The following PRKN variants were observed in gnomAD, a reference collection of about 807,000 sequenced individuals.
PRKN encodes parkin RBR E3 ubiquitin protein ligase.
A neutral mutation model predicts 59.5 loss-of-function variants in PRKN; 56 were observed. The ratio of observed to expected loss-of-function variants is 0.94; its 90% CI spans 0.76 to 1.18. PRKN has a LOEUF of 1.18. Among genes scored for constraint, PRKN ranks in the 50% most tolerant of loss-of-function variants. PRKN has a pLI of 0.00. For missense variants in PRKN, 657 were observed against 596.4 expected, an observed-to-expected ratio of 1.10 and a Z score of -1.06; for synonymous variants, 250 against 222.1, an observed-to-expected ratio of 1.13 and a Z score of -1.12.
At chr6:161,631,100 T>C (rs1009217536) in intron 7 of PRKN, among the ~76,000 whole-genome samples, 1 of 152,006 alleles carries the variant, frequency 6.6e-6, no homozygotes. Context: ...GAAGAGAGGG[T>C]GGGAGCCCAG....
At chr6:162,658,658 CAAAA>C (rs57853171) in intron 1 of PRKN, among the ~76,000 whole-genome samples, 19 of 109,098 alleles carry the variant, frequency 1.7e-4, no homozygotes, top group East Asian at 2.9e-4. Context: ...GAGACTCTGT[CAAAA>C]AAAAAAAAAA....
chr6:162,567,203 C>T (rs1053677256), intron 1 of PRKN, among the ~76,000 whole-genome samples: 2 of 152,066 alleles, frequency 1.3e-5, no homozygotes, highest in Non-Finnish European at 2.9e-5. Flanking sequence ...CTTCTAAGAT[C>T]GGGAACATGA....
chr6:161,852,247 A>G (rs922614055), intron 6 of PRKN, among the ~76,000 whole-genome samples: 1 of 152,104 alleles, frequency 6.6e-6, no homozygotes, highest in Admixed American at 6.6e-5. Flanking sequence ...GGAGTTTGAG[A>G]CCAGCCTGGA....
intron 4 of PRKN, among the ~76,000 whole-genome samples, chr6:162,138,292 G>C (rs1781631128): frequency 6.6e-6 from 1 of 152,144 alleles, no homozygotes; most frequent in African/African-American, 2.4e-5. Flanking sequence ...GAGGCATCTG[G>C]TAGAGTTGCC....
At chr6:162,003,501 T>C (rs1212394338) in intron 5 of PRKN, among the ~76,000 whole-genome samples, 1 of 152,106 alleles carries the variant, frequency 6.6e-6, no homozygotes, top group Non-Finnish European at 1.5e-5. Context: ...GTCTTCAAGG[T>C]TTAGGTGGTA....
At chr6:161,706,111 C>T (rs1244154026) in intron 7 of PRKN, among the ~76,000 whole-genome samples, 1 of 152,012 alleles carries the variant, frequency 6.6e-6, no homozygotes, top group Non-Finnish European at 1.5e-5. Flanking sequence ...TTTCCCCCCA[C>T]ATCCTCAATT....
At chr6:162,234,786 C>T (rs564500325) in intron 3 of PRKN, among the ~76,000 whole-genome samples, 216 of 152,332 alleles carry the variant, frequency 1.4e-3, no homozygotes, top group Non-Finnish European at 2.3e-3. Flanking sequence ...GTGACAGACA[C>T]CGTCTGTGTT....
chr6:161,427,067 G>A (rs1181880232), intron 9 of PRKN, among the ~76,000 whole-genome samples: 3 of 151,938 alleles, frequency 2.0e-5, no homozygotes, highest in African/African-American at 7.3e-5. Flanking sequence ...CCACCATGTG[G>A]GAGTGCAGTG....
At chr6:161,714,791 G>C (rs1215744931) in intron 7 of PRKN, among the ~76,000 whole-genome samples, 2 of 152,134 alleles carry the variant, frequency 1.3e-5, no homozygotes, top group East Asian at 3.8e-4. Context: ...TAAGACACTT[G>C]TTCTTATTCC....
At chr6:162,341,030 C>T (rs1052334404) in intron 2 of PRKN, among the ~76,000 whole-genome samples, 1 of 151,768 alleles carries the variant, frequency 6.6e-6, no homozygotes, top group Admixed American at 6.6e-5. Context: ...CTGACAAGGG[C>T]TAATATTCAG....
chr6:161,608,074 G>T (rs572353036), intron 7 of PRKN, among the ~76,000 whole-genome samples: 5 of 152,276 alleles, frequency 3.3e-5, no homozygotes. Context: ...AATAAACCTG[G>T]CATTCGGGAC....
At position 161,350,001 on chromosome 6, in the gene PRKN, CGCGT is replaced by C; in HGVS notation, c.*94_*97del. ...CTTGAAGAGTGTGTGTGCGCGCGCG[CGCGT>C]GTGTGTGTGTGTTTGAAAAGAGAAT... is the stretch of plus-strand genomic sequence containing the variant. On this transcript the variant is annotated 3_prime_UTR_variant, in exon 12 of 12. Coordinates refer to ENST00000366898, the MANE Select transcript of PRKN (RefSeq NM_004562.3). 9 of 824,692 alleles carry C rather than the reference CGCGT, an allele frequency of 1.1e-5. No homozygotes were observed. The highest frequency in any genetic ancestry group is 1.4e-5 in the Non-Finnish European group (7 of 491,332). 51.1% of individuals were successfully genotyped at this position (824,692 alleles called of 1,614,324 possible). A position where few individuals can be genotyped will look rare whatever the true frequency, so the allele number is the denominator to read the frequency against.
At chr6:162,194,700 T>C (rs900719092) in intron 4 of PRKN, among the ~76,000 whole-genome samples, 3 of 152,202 alleles carry the variant, frequency 2.0e-5, no homozygotes, top group African/African-American at 7.2e-5. Context: ...TTTTTATATG[T>C]TTATTTTTAT....
chr6:161,435,530 T>C (rs9346853), intron 9 of PRKN, among the ~76,000 whole-genome samples: 83,243 of 151,684 alleles, frequency 0.55, 23,260 homozygotes, highest in East Asian at 0.84. Context: ...ATAAAATGTG[T>C]TCATTTTAAA....
At chr6:162,130,141 A>G (rs1781289561) in intron 4 of PRKN, among the ~76,000 whole-genome samples, 1 of 152,106 alleles carries the variant, frequency 6.6e-6, no homozygotes, top group Admixed American at 6.5e-5. Flanking sequence ...ACAGGAATCT[A>G]CCACTCTGCA....
intron 7 of PRKN, among the ~76,000 whole-genome samples, chr6:161,701,783 T>C: frequency 6.6e-6 from 1 of 152,212 alleles, no homozygotes. Flanking sequence ...CAAGAGACAT[T>C]ACAAGTCATT....
intron 5 of PRKN, among the ~76,000 whole-genome samples, chr6:161,979,226 G>A (rs189311901): frequency 4.0e-5 from 6 of 151,792 alleles, no homozygotes; most frequent in African/African-American, 1.5e-4. Flanking sequence ...TTTAGAAAAT[G>A]TGCTTGGCTT....
intron 7 of PRKN, among the ~76,000 whole-genome samples, chr6:161,621,472 G>T (rs1251355542): frequency 6.6e-6 from 1 of 152,120 alleles, no homozygotes; most frequent in East Asian, 1.9e-4. Flanking sequence ...AGGAGGAGGA[G>T]AGTGTATCCC....
At position 161,550,646 on chromosome 6, in the gene PRKN, A is replaced by G. The variant is rs1390532527; in HGVS notation, c.934-1643T>C. 6.6e-6 allele frequency among the ~76,000 whole-genome samples: 1 copy of G among 151,692 alleles called. No individual in the cohort carries two copies. The highest frequency in any genetic ancestry group is 1.9e-4 in the East Asian group (1 of 5,166). ...GAGAGGAAAAGAGGAGTCAACTGTG[A>G]GTGGAGTGTAGTTCCCCGTTTCCTG... On this transcript the variant is annotated intron_variant, in intron 8 of 11. Transcript: ENST00000366898. The surrounding 1 kb of genome is among the most constrained non-coding windows in gnomAD (Gnocchi z 4.0).
Sources: allele counts gnomAD v4.1 joint callset (sites outside exome capture counted in the v4.1 genomes callset), GRCh38; gene constraint gnomAD v4.1.1; non-coding constraint Gnocchi (gnomAD v3.1); transcripts MANE v1.5; gene names NCBI Gene and HGNC (gene_info 2026-07-23, HGNC 2026-07-21).